The following SLC23A2 variants were observed in gnomAD, a reference collection of about 807,000 sequenced individuals.
SLC23A2 encodes the protein solute carrier family 23 member 2.
Under a neutral mutation model 73.3 loss-of-function variants are expected in SLC23A2, and 36 were observed. That is an observed-to-expected ratio of 0.49 (90% CI 0.38 to 0.65). The LOEUF (loss-of-function observed/expected upper bound fraction) is 0.65, where lower values mean the gene tolerates loss of function less well. Ranked by LOEUF, SLC23A2 falls within the 30% of genes least tolerant of loss-of-function variation. The pLI is 0.00. For missense variants in SLC23A2, 507 were observed against 841.6 expected (o/e 0.60, Z 4.92); for synonymous variants, 343 against 327.3 (o/e 1.05, Z -0.52).
chr20:4,871,378 TG>T (rs1930440306), intron 11 of SLC23A2, among the ~76,000 whole-genome samples: 1 of 151,038 alleles, frequency 6.6e-6, no homozygotes, highest in Non-Finnish European at 1.5e-5. Context: ...GAGGAGGAGG[TG>T]GGAACGGAGG....
chr20:4,993,340 C>T (rs1488818933), intron 1 of SLC23A2, among the ~76,000 whole-genome samples: 1 of 134,932 alleles, frequency 7.4e-6, no homozygotes, highest in Non-Finnish European at 1.6e-5. Context: ...CTCACTGAAG[C>T]ATTCTGAATT....
intron 4 of SLC23A2, among the ~76,000 whole-genome samples, chr20:4,903,287 C>T (rs546146160): frequency 2.2e-4 from 34 of 152,120 alleles, no homozygotes; most frequent in African/African-American, 8.2e-4. Flanking sequence ...AGGTTAGAGT[C>T]CAGCCTCTTC....
At position 4,869,941 on chromosome 20, in the gene SLC23A2, G is replaced by A. The variant is rs534865928; in HGVS notation, c.1215C>T (p.Ser405=). ...CGTGGATGGGGGGGGGTGGGGCACA[G>A]GACAGCCGTGCACAGGCGTAGTAGT... is the stretch of plus-strand genomic sequence containing the variant. ...IGDYYACARL[S]CAPPPPIHAI... is the part of the protein sequence containing the mutation. Residue 405 remains serine (S), a synonymous_variant, in exon 12 of 17, where the codon TCC becomes TCT. Transcript: ENST00000338244. 6.2e-7 allele frequency: 1 copy of A among 1,613,616 alleles called. No homozygotes were observed. The highest frequency in any genetic ancestry group is 1.3e-5 in the African/African-American group (1 of 74,964).
In SLC23A2 at chr20:4,965,008, C is replaced by T. The variant is rs115200451; in HGVS notation, c.-155+5785G>A. On this transcript the variant is annotated intron_variant, in intron 2 of 16. Coordinates refer to ENST00000338244, the MANE Select transcript of SLC23A2 (RefSeq NM_005116.6). ...TTTCCCCTTATTTTTCTACAGTGTA[C>T]ATATGTCACTTTCATAATTCTTAAA... Among the ~76,000 whole-genome samples, 511 of 151,906 alleles carry T rather than the reference C, an allele frequency of 3.4e-3. 3 individuals are homozygous for T. The highest frequency in any genetic ancestry group is 0.012 in the African/African-American group (488 of 41,422).
At chr20:4,943,431 G>T (rs925323637) in intron 2 of SLC23A2, among the ~76,000 whole-genome samples, 6 of 151,924 alleles carry the variant, frequency 3.9e-5, no homozygotes, top group Non-Finnish European at 7.4e-5. Flanking sequence ...ACTTTGGGAG[G>T]CTGAGGCAGG....
chr20:4,942,265 G>GA (rs1157661295), intron 2 of SLC23A2, among the ~76,000 whole-genome samples: 1 of 150,300 alleles, frequency 6.7e-6, no homozygotes, highest in Non-Finnish European at 1.5e-5. Context: ...AGAGAGTGGA[G>GA]AAAAGCCAAG....
At chr20:4,891,833 C>T (rs189652852) in intron 6 of SLC23A2, among the ~76,000 whole-genome samples, 184 of 152,312 alleles carry the variant, frequency 1.2e-3, no homozygotes, top group African/African-American at 4.1e-3. Flanking sequence ...TCACTGTAGC[C>T]TTGACCTCCT....
At chr20:4,882,443 C>T (rs1049011408) in intron 9 of SLC23A2, among the ~76,000 whole-genome samples, 15 of 146,854 alleles carry the variant, frequency 1.0e-4, no homozygotes, top group African/African-American at 3.7e-4. Flanking sequence ...GTGTCTCCTT[C>T]AAACCTTGTT....
At chr20:4,996,685 CAAA>C (rs1555809857) in intron 1 of SLC23A2, among the ~76,000 whole-genome samples, 1 of 54,772 alleles carries the variant, frequency 1.8e-5, no homozygotes, top group Admixed American at 2.2e-4. Flanking sequence ...GATTCCATCT[CAAA>C]AAAAAAAAAA....
At chr20:4,935,398 C>G (rs2086947010) in intron 2 of SLC23A2, among the ~76,000 whole-genome samples, 1 of 152,154 alleles carries the variant, frequency 6.6e-6, no homozygotes, top group African/African-American at 2.4e-5. Flanking sequence ...GCCCCCGCCA[C>G]TTACAGGTCC....
chr20:4,949,406 T>C (rs1264926579), intron 2 of SLC23A2, among the ~76,000 whole-genome samples: 1 of 152,116 alleles, frequency 6.6e-6, no homozygotes, highest in Non-Finnish European at 1.5e-5. Context: ...CTTTATTTAC[T>C]CTGGAAAGTA....
chr20:4,886,897 C>G (rs1049450524), intron 6 of SLC23A2, among the ~76,000 whole-genome samples: 3 of 152,182 alleles, frequency 2.0e-5, no homozygotes, highest in Admixed American at 2.0e-4. Context: ...TTTGAGCTGT[C>G]TGGCAGCAAG....
intron 2 of SLC23A2, among the ~76,000 whole-genome samples, chr20:4,960,538 T>C (rs1365459953): frequency 6.6e-6 from 1 of 152,236 alleles, no homozygotes; most frequent in African/African-American, 2.4e-5. Flanking sequence ...AAACGAACTC[T>C]AGCTACTTGG....
chr20:4,868,711 C>G lies in SLC23A2; in HGVS notation c.1251-836G>C, dbSNP rs1930306419. Among the ~76,000 whole-genome samples, 1 of 152,196 alleles carries G rather than the reference C, an allele frequency of 6.6e-6. No homozygotes were observed. On this transcript the variant is annotated intron_variant, in intron 12 of 16. Coordinates refer to ENST00000338244, the MANE Select transcript of SLC23A2 (RefSeq NM_005116.6). This position sits in a 1 kb window ranked among gnomAD's most constrained non-coding sequence, Gnocchi z 4.4. ...AGATGGGGACATCAGGTACCAGAGC[C>G]AAGGCCCAGTCCATTAATCTCATCA...
At chr20:4,953,233 G>A (rs866439545) in intron 2 of SLC23A2, among the ~76,000 whole-genome samples, 1 of 152,062 alleles carries the variant, frequency 6.6e-6, no homozygotes, top group South Asian at 2.1e-4. Flanking sequence ...TTGAACCCGG[G>A]AGATGGAGAC....
chr20:4,999,537 C>T (rs2088082532), intron 1 of SLC23A2, among the ~76,000 whole-genome samples: 1 of 150,572 alleles, frequency 6.6e-6, no homozygotes, highest in African/African-American at 2.5e-5. Context: ...TTTTTTTAAG[C>T]TGGCCGCCAT....
intron 2 of SLC23A2, among the ~76,000 whole-genome samples, chr20:4,965,125 G>GA (rs1422921154): frequency 6.6e-6 from 1 of 152,106 alleles, no homozygotes; most frequent in Non-Finnish European, 1.5e-5. Context: ...CCAGTGCTGA[G>GA]AAAAAACACC....
At chr20:4,926,321 G>C (rs1932667441) in intron 3 of SLC23A2, among the ~76,000 whole-genome samples, 1 of 152,168 alleles carries the variant, frequency 6.6e-6, no homozygotes, top group African/African-American at 2.4e-5. Flanking sequence ...ATGACGCACT[G>C]AAACAACAGG....
intron 3 of SLC23A2, among the ~76,000 whole-genome samples, chr20:4,916,759 C>T (rs1395268632): frequency 2.6e-5 from 4 of 152,116 alleles, no homozygotes; most frequent in Non-Finnish European, 4.4e-5. Flanking sequence ...TGTCAAGTAC[C>T]CATACAACCC....
Sources: allele counts gnomAD v4.1 joint callset (sites outside exome capture counted in the v4.1 genomes callset), GRCh38; gene constraint gnomAD v4.1.1; non-coding constraint Gnocchi (gnomAD v3.1); transcripts MANE v1.5; gene names NCBI Gene and HGNC (gene_info 2026-07-23, HGNC 2026-07-21).